Variants in GPHN observed in about 807,000 individuals in gnomAD.
GPHN encodes gephyrin.
A neutral mutation model predicts 95.5 loss-of-function variants in GPHN; 17 were observed. That is an observed-to-expected ratio of 0.18 (90% CI 0.12 to 0.27). The LOEUF is 0.27. GPHN is among the 10% of genes least tolerant of loss of function. The pLI is 1.00. For missense variants in GPHN, 660 were observed against 978.1 expected, an observed-to-expected ratio of 0.67 and a Z score of 4.34; for synonymous variants, 320 against 322.5, an observed-to-expected ratio of 0.99 and a Z score of 0.08.
At chr14:66,660,101 T>A (rs6573697) in intron 1 of GPHN, among the ~76,000 whole-genome samples, 37,845 of 151,558 alleles carry the variant, frequency 0.25, 9,464 homozygotes, top group African/African-American at 0.61. Context: ...TACTCTAGTG[T>A]ATGTGTGTGT....
At chr14:67,279,340 A>G in the GPHN span, 1 of 1,613,886 alleles carries the variant, frequency 6.2e-7, no homozygotes. Context: ...GCACAGTTGG[A>G]GCGTATTCGG....
At chr14:66,745,874 A>G (rs2058128889) in intron 2 of GPHN, among the ~76,000 whole-genome samples, 1 of 151,992 alleles carries the variant, frequency 6.6e-6, no homozygotes. Context: ...TCATCACTCT[A>G]CCCTGCCTAT....
At chr14:67,432,613 C>T in the GPHN span, among the ~76,000 whole-genome samples, 1 of 152,282 alleles carries the variant, frequency 6.6e-6, no homozygotes, top group Non-Finnish European at 1.5e-5. Flanking sequence ...GCCTGGTGTT[C>T]TAGGGCTGCC....
chr14:67,411,416 A>T, the GPHN span, among the ~76,000 whole-genome samples: 1 of 152,072 alleles, frequency 6.6e-6, no homozygotes, highest in South Asian at 2.1e-4. Flanking sequence ...GAGTGATGTC[A>T]GTACCCACCG....
intron 3 of GPHN, among the ~76,000 whole-genome samples, chr14:66,781,351 G>C (rs971190936): frequency 6.6e-6 from 1 of 151,858 alleles, no homozygotes; most frequent in Non-Finnish European, 1.5e-5. Context: ...TGAGTAGCTG[G>C]GACTACAGGC....
chr14:67,631,209 C>T, the GPHN span, among the ~76,000 whole-genome samples: 1 of 152,232 alleles, frequency 6.6e-6, no homozygotes, highest in African/African-American at 2.4e-5. Flanking sequence ...TCCTGGCTTT[C>T]TCATTGCCCT....
the GPHN span, chr14:67,592,701 G>A: frequency 1.9e-6 from 3 of 1,601,278 alleles, no homozygotes; most frequent in Non-Finnish European, 2.6e-6. Context: ...AGATGCAGAG[G>A]TAGTAAATCA....
At chr14:66,685,796 G>A (rs969027658) in intron 2 of GPHN, among the ~76,000 whole-genome samples, 2 of 152,152 alleles carry the variant, frequency 1.3e-5, no homozygotes, top group African/African-American at 4.8e-5. Context: ...ATTGCTTTTG[G>A]TGTTTTAGAC....
chr14:67,343,784 C>T, the GPHN span, among the ~76,000 whole-genome samples: 2 of 152,148 alleles, frequency 1.3e-5, no homozygotes, highest in African/African-American at 4.8e-5. Flanking sequence ...ATGGGAGGAT[C>T]GTTTGAGGCT....
intron 3 of GPHN, among the ~76,000 whole-genome samples, chr14:66,808,448 C>G (rs1193377388): frequency 6.6e-6 from 1 of 152,156 alleles, no homozygotes; most frequent in Non-Finnish European, 1.5e-5. Flanking sequence ...TGAAGGAGTT[C>G]AGTGTCAGCT....
At chr14:67,498,086 T>TTC in the GPHN span, among the ~76,000 whole-genome samples, 16 of 152,302 alleles carry the variant, frequency 1.1e-4, no homozygotes, top group Admixed American at 8.5e-4. Context: ...AGAGAACAAT[T>TTC]GTTTTTTCTT....
At chr14:67,169,553 C>G (rs1351519046) in intron 21 of GPHN, among the ~76,000 whole-genome samples, 2 of 152,120 alleles carry the variant, frequency 1.3e-5, no homozygotes, top group African/African-American at 4.8e-5. Context: ...GAGAAATATA[C>G]CATGGTAAAA....
Position 66,776,494 on chromosome 14 carries a change from A to G in GPHN, c.174A>G (p.Ile58Met), listed in dbSNP as rs758170666. The G allele has an allele frequency of 1.9e-6, 3 of 1,580,276 alleles. No individual in the cohort carries two copies. The highest frequency in any genetic ancestry group is 1.1e-5 in the South Asian group (1 of 90,212). The part of the protein sequence containing the change: ...LLGGTISAYK[I>M]VPDEIEEIKE... ...GTGGGACTATATCAGCATACAAGAT[A>G]GTACCAGATGAAATAGAAGAAATCA... The change falls in exon 3 of 23, where the codon ATA becomes ATG. Residue 58 changes from isoleucine to methionine, a missense_variant. Ile to Met is a conservative substitution (Grantham distance 10). Coordinates refer to ENST00000478722, the MANE Select transcript of GPHN (RefSeq NM_020806.5).
intron 1 of GPHN, among the ~76,000 whole-genome samples, chr14:66,545,202 G>T (rs1265210814): frequency 1.5e-5 from 2 of 134,858 alleles, no homozygotes; most frequent in Admixed American, 7.2e-5. Flanking sequence ...CTGGCCGGGC[G>T]GGGGGCTGAC....
the GPHN span, among the ~76,000 whole-genome samples, chr14:67,603,766 A>T: frequency 1.3e-5 from 2 of 152,162 alleles, no homozygotes; most frequent in Admixed American, 1.3e-4. Flanking sequence ...CAACCTCCGC[A>T]TTCCAGGTTC....
the GPHN span, chr14:67,653,546 T>C: frequency 2.6e-6 from 4 of 1,526,290 alleles, no homozygotes; most frequent in East Asian, 9.0e-5. Flanking sequence ...AAGTATACTC[T>C]GTACAATTGA....
At chr14:66,748,832 A>C (rs1292658038) in intron 2 of GPHN, among the ~76,000 whole-genome samples, 2 of 152,016 alleles carry the variant, frequency 1.3e-5, no homozygotes, top group African/African-American at 4.8e-5. Flanking sequence ...AAAACGAACT[A>C]TAAGAAAGCA....
chr14:67,424,535 G>A, the GPHN span, among the ~76,000 whole-genome samples: 1,195 of 149,650 alleles, frequency 8.0e-3, 20 homozygotes, highest in African/African-American at 0.028. Context: ...GAAAGTTGAA[G>A]CTGCAGTGAG....
the GPHN span, chr14:67,615,799 T>C: frequency 1.8e-6 from 1 of 560,276 alleles, no homozygotes; most frequent in East Asian, 3.7e-5. Context: ...TCTTGTTCTG[T>C]TCTGCGTGTG....
Sources: gnomAD v4.1 joint callset for allele counts (sites outside exome capture counted in the v4.1 genomes callset) on GRCh38, gnomAD v4.1.1 for gene constraint, MANE v1.5 for transcripts, NCBI Gene and HGNC (gene_info 2026-07-23, HGNC 2026-07-21) for gene names.